Variants in SYN3 observed in about 807,000 individuals in gnomAD.
SYN3 encodes the protein synapsin III.
A neutral mutation model predicts 65.8 loss-of-function variants in SYN3; 35 were observed. The observed-to-expected ratio is 0.53, with a 90% CI of 0.41 to 0.70. SYN3 has a LOEUF of 0.70. Among genes scored for constraint, SYN3 ranks in the 30% least tolerant of loss-of-function variants. The pLI, the probability that SYN3 is intolerant of heterozygous loss-of-function variation, is 0.00. For synonymous variants in SYN3, 270 were observed against 292.9 expected, an observed-to-expected ratio of 0.92 and a Z score of 0.80; for missense variants, 680 against 749.0, an observed-to-expected ratio of 0.91 and a Z score of 1.08.
At chr22:32,970,212 T>C (rs992366302) in intron 3 of SYN3, among the ~76,000 whole-genome samples, 1 of 152,184 alleles carries the variant, frequency 6.6e-6, no homozygotes, top group Non-Finnish European at 1.5e-5. Context: ...GCACTTACTA[T>C]TTTATATGAG....
chr22:32,679,936 T>C (rs2060501834), intron 6 of SYN3, among the ~76,000 whole-genome samples: 1 of 149,830 alleles, frequency 6.7e-6, no homozygotes, highest in Non-Finnish European at 1.5e-5. Context: ...TCTTCATGCT[T>C]ATTTTACTAA....
intron 4 of SYN3, among the ~76,000 whole-genome samples, chr22:32,884,547 C>T (rs1187120384): frequency 7.9e-5 from 12 of 152,314 alleles, no homozygotes; most frequent in Non-Finnish European, 7.3e-5. Flanking sequence ...CTCCTGTATA[C>T]TGTTCTAACT....
chr22:32,612,972 C>G (rs1245579795), intron 6 of SYN3, among the ~76,000 whole-genome samples: 2 of 152,144 alleles, frequency 1.3e-5, no homozygotes, highest in Non-Finnish European at 2.9e-5. Context: ...GGGCAGATTT[C>G]TCCCTTGCTG....
At position 32,650,258 on chromosome 22, in the gene SYN3, CCTCT is replaced by C. The variant is rs142803609; in HGVS notation, c.712-53526_712-53523del. 5.9e-3 allele frequency among the ~76,000 whole-genome samples: 505 copies of C among 86,250 alleles called. 9 individuals carry two copies. The highest frequency in any genetic ancestry group is 0.013 in the African/African-American group (226 of 16,770). The allele number at this position is 86,250 out of a possible 152,430, so 56.6% of individuals were successfully genotyped here. ...CCCTCCCTCCCTCCCTCCCTCCCTC[CCTCT>C]CTCTCTCTCTCTCTTTCTTTTTGAG... On this transcript the variant is annotated intron_variant, in intron 6 of 13. Transcript: ENST00000358763.
At chr22:32,998,881 G>A (rs1174300620) in intron 2 of SYN3, among the ~76,000 whole-genome samples, 1 of 149,486 alleles carries the variant, frequency 6.7e-6, no homozygotes, top group Non-Finnish European at 1.5e-5. Flanking sequence ...TAAGTAAAGA[G>A]CCAAGATTTT....
intron 6 of SYN3, among the ~76,000 whole-genome samples, chr22:32,608,901 A>C (rs991727825): frequency 6.6e-6 from 1 of 152,226 alleles, no homozygotes; most frequent in Non-Finnish European, 1.5e-5. Context: ...AAATCAGTAC[A>C]ACTCCCCCTC....
rs2710377 is a variant in SYN3, at chr22:32,549,097, C to T, written c.775-7384G>A. Among the ~76,000 whole-genome samples the T allele has an allele frequency of 3.1e-3, 471 of 152,266 alleles. 3 individuals carry two copies. Among genetic ancestry groups the T allele is most frequent in the African/African-American group, 0.011 (443 of 41,538 alleles). On this transcript the variant is annotated intron_variant, in intron 7 of 13. Coordinates refer to ENST00000358763, the MANE Select transcript of SYN3 (RefSeq NM_003490.4). ...GACTGCCACCGGGATGGTGCATTGA[C>T]TGCTGACCCACATGCTCCTCAGCAG...
intron 1 of SYN3, among the ~76,000 whole-genome samples, chr22:33,028,111 C>T (rs969743402): frequency 1.3e-5 from 2 of 152,144 alleles, no homozygotes; most frequent in African/African-American, 4.8e-5. Context: ...AGAATGTTGC[C>T]TTCCCGGGAC....
chr22:32,965,844 G>A lies in SYN3; in HGVS notation c.369+14801C>T, dbSNP rs370032016. Among the ~76,000 whole-genome samples, 113 of 152,110 alleles carry A rather than the reference G, an allele frequency of 7.4e-4. 1 individual carries two copies. Among genetic ancestry groups the A allele is most frequent in the Admixed American group, 1.3e-3 (20 of 15,280 alleles). On this transcript the variant is annotated intron_variant, in intron 3 of 13. Coordinates refer to ENST00000358763, the MANE Select transcript of SYN3 (RefSeq NM_003490.4). ...CGAGTAGCTGGGACTACAGGCGCCCGCCACCACACCCGGCTAATTTTTTGT... is the reference window on the plus strand; with the variant it reads ...CGAGTAGCTGGGACTACAGGCGCCCACCACCACACCCGGCTAATTTTTTGT...
chr22:32,944,750 A>C (rs1386084531), intron 3 of SYN3, among the ~76,000 whole-genome samples: 1 of 152,208 alleles, frequency 6.6e-6, no homozygotes, highest in Non-Finnish European at 1.5e-5. Context: ...GAGGAAGTCA[A>C]ATTGTCCCTG....
intron 7 of SYN3, among the ~76,000 whole-genome samples, chr22:32,586,682 T>A: frequency 6.6e-6 from 1 of 152,138 alleles, no homozygotes; most frequent in Non-Finnish European, 1.5e-5. Flanking sequence ...TTCACCACTC[T>A]GAGCAGGTCC....
chr22:32,965,335 G>A (rs2051797455), intron 3 of SYN3, among the ~76,000 whole-genome samples: 2 of 152,118 alleles, frequency 1.3e-5, no homozygotes, highest in South Asian at 4.1e-4. Flanking sequence ...TCTTGCAGTA[G>A]CCTAAAGCTT....
chr22:32,642,835 G>A (rs2059922581), intron 6 of SYN3, among the ~76,000 whole-genome samples: 1 of 152,100 alleles, frequency 6.6e-6, no homozygotes, highest in Non-Finnish European at 1.5e-5. Flanking sequence ...GGGATTACAG[G>A]CTTGAGCCAC....
chr22:32,733,810 G>C (rs151006742), intron 6 of SYN3, among the ~76,000 whole-genome samples: 1 of 152,170 alleles, frequency 6.6e-6, no homozygotes, highest in African/African-American at 2.4e-5. Flanking sequence ...GAGCTGGGGG[G>C]TGGGTTTTGA....
chr22:32,849,592 C>T, intron 6 of SYN3: 1 of 1,508,530 alleles, frequency 6.6e-7, no homozygotes, highest in Non-Finnish European at 9.1e-7. Context: ...CCAGAAGAGT[C>T]CTGGCTAAGG....
chr22:33,033,171 G>A (rs968936241), intron 1 of SYN3, among the ~76,000 whole-genome samples: 2 of 151,928 alleles, frequency 1.3e-5, no homozygotes, highest in Admixed American at 6.6e-5. Context: ...TAGTAGAGAC[G>A]GGGTTTCACC....
intron 6 of SYN3, among the ~76,000 whole-genome samples, chr22:32,784,076 A>C (rs1227078452): frequency 6.6e-6 from 1 of 152,218 alleles, no homozygotes; most frequent in East Asian, 1.9e-4. Context: ...TAAACTTTGC[A>C]AGTGCTTCCA....
intron 6 of SYN3, among the ~76,000 whole-genome samples, chr22:32,598,088 G>A (rs2059228407): frequency 6.6e-6 from 1 of 152,146 alleles, no homozygotes; most frequent in South Asian, 2.1e-4. Context: ...CCTTCCATGT[G>A]GACCATTCCC....
At chr22:32,828,414 G>A (rs1038534004) in intron 6 of SYN3, among the ~76,000 whole-genome samples, 2 of 152,240 alleles carry the variant, frequency 1.3e-5, no homozygotes, top group African/African-American at 4.8e-5. Context: ...GCCGGCTGCT[G>A]TGTTAGAGCC....
Sources: allele counts gnomAD v4.1 joint callset (sites outside exome capture counted in the v4.1 genomes callset), GRCh38; gene constraint gnomAD v4.1.1; transcripts MANE v1.5; gene names NCBI Gene and HGNC (gene_info 2026-07-23, HGNC 2026-07-21).